The following ANKRD11 variants were observed in gnomAD, a reference collection of about 807,000 sequenced individuals.
ANKRD11 encodes the protein ankyrin repeat domain-containing protein 11.
A neutral mutation model predicts 195.7 loss-of-function variants in ANKRD11; 17 were observed. That is an observed-to-expected ratio of 0.09 (90% CI 0.06 to 0.13). The LOEUF is 0.13. ANKRD11 is among the 10% of genes least tolerant of loss of function. The pLI, the probability that ANKRD11 is intolerant of heterozygous loss-of-function variation, is 1.00. For missense variants in ANKRD11, 3,735 were observed against 3,566.1 expected (o/e 1.05, Z -1.21); for synonymous variants, 1,953 against 1,528.1 (o/e 1.28, Z -6.49).
rs574575376 is a variant in ANKRD11 at position 89,369,678 on chromosome 16, C to T, written c.-60+48606G>A. 2.0e-5 allele frequency among the ~76,000 whole-genome samples: 3 copies of T among 152,294 alleles called. No homozygotes were observed. The East Asian group carries it at 5.8e-4, about 29-fold the overall frequency. Reference sequence around the variant, plus strand: ...GTGGTGACGCAAGGGTTTTAAGGTCCCGACTGTGGGACACAGGCATCTGCA... The same window carrying T: ...GTGGTGACGCAAGGGTTTTAAGGTCTCGACTGTGGGACACAGGCATCTGCA... On this transcript the variant is annotated intron_variant, in intron 2 of 12. Transcript: ENST00000301030.
intron 2 of ANKRD11, among the ~76,000 whole-genome samples, chr16:89,381,652 T>C (rs889628624): frequency 1.5e-4 from 23 of 152,170 alleles, no homozygotes; most frequent in African/African-American, 5.1e-4. Context: ...CTGTCACAAA[T>C]GCGCATCACA....
At chr16:89,420,814 C>G (rs2042481080) in intron 1 of ANKRD11, among the ~76,000 whole-genome samples, 1 of 152,130 alleles carries the variant, frequency 6.6e-6, no homozygotes, top group Non-Finnish European at 1.5e-5. Context: ...CCTCCTGGGC[C>G]CAAGGGGTCC....
intron 2 of ANKRD11, among the ~76,000 whole-genome samples, chr16:89,334,656 G>A (rs1314002625): frequency 6.6e-6 from 1 of 152,036 alleles, no homozygotes; most frequent in Non-Finnish European, 1.5e-5. Context: ...CTCCATGAGG[G>A]GCCACATCCA....
intron 2 of ANKRD11, among the ~76,000 whole-genome samples, chr16:89,380,944 A>G (rs1191271102): frequency 6.6e-6 from 1 of 152,180 alleles, no homozygotes; most frequent in Non-Finnish European, 1.5e-5. Context: ...CCTGCTTCCC[A>G]GTGTGGGCCC....
chr16:89,419,831 A>T (rs965502226), intron 1 of ANKRD11, among the ~76,000 whole-genome samples: 3 of 151,588 alleles, frequency 2.0e-5, no homozygotes, highest in African/African-American at 7.3e-5. Context: ...TCCTCCTTAC[A>T]CTCCTGGACA....
chr16:89,384,447 G>A (rs372688890), intron 2 of ANKRD11, among the ~76,000 whole-genome samples: 5 of 152,184 alleles, frequency 3.3e-5, no homozygotes, highest in South Asian at 2.1e-4. Flanking sequence ...AGAGCAGAAC[G>A]GGATGGGATG....
chr16:89,455,693 G>A (rs1325642627), intron 1 of ANKRD11, among the ~76,000 whole-genome samples: 1 of 152,144 alleles, frequency 6.6e-6, no homozygotes, highest in Non-Finnish European at 1.5e-5. Flanking sequence ...CTCATCCTTG[G>A]AGACAGCAGC....
At position 89,317,036 on chromosome 16, in the gene ANKRD11, C is replaced by G; in HGVS notation, c.-17G>C. On this transcript the variant is annotated 5_prime_UTR_variant, in exon 3 of 13. Coordinates refer to ENST00000301030, the MANE Select transcript of ANKRD11 (RefSeq NM_013275.6). ...CTTGGGCATCGTCCTGCTCCTCACC[C>G]GATCTTCATTTACACGGCCGGCGCT... 1 of 1,611,074 alleles carries G rather than the reference C, an allele frequency of 6.2e-7. No homozygotes were observed. Among genetic ancestry groups the G allele is most frequent in the Non-Finnish European group, 8.5e-7 (1 of 1,178,794 alleles).
chr16:89,456,251 G>T (rs535442680), intron 1 of ANKRD11, among the ~76,000 whole-genome samples: 9 of 151,124 alleles, frequency 6.0e-5, no homozygotes, highest in East Asian at 1.9e-4. Flanking sequence ...AAAAAAAAAG[G>T]GGGGGTGGAA....
chr16:89,271,850 G>A (rs1450524782), intron 11 of ANKRD11: 1 of 152,126 alleles, frequency 6.6e-6, no homozygotes, highest in South Asian at 2.1e-4. Context: ...CATTTCTCAA[G>A]CAATACCCCG....
chr16:89,379,916 C>T (rs1019428754), intron 2 of ANKRD11, among the ~76,000 whole-genome samples: 1 of 152,096 alleles, frequency 6.6e-6, no homozygotes, highest in Non-Finnish European at 1.5e-5. Flanking sequence ...AGACACTGAC[C>T]TTTTCAGTTT....
chr16:89,320,693 G>C (rs571044388), intron 2 of ANKRD11, among the ~76,000 whole-genome samples: 1 of 152,348 alleles, frequency 6.6e-6, no homozygotes, highest in South Asian at 2.1e-4. Flanking sequence ...TGTGGGCTCA[G>C]GGAACTTGCC....
intron 2 of ANKRD11, among the ~76,000 whole-genome samples, chr16:89,344,845 A>G (rs2038864273): frequency 6.6e-6 from 1 of 152,088 alleles, no homozygotes; most frequent in Non-Finnish European, 1.5e-5. Context: ...ACTCTCAACC[A>G]CCTTCCAAGT....
rs767375122 is a variant in ANKRD11, at chr16:89,290,636, T to C, written c.590A>G (p.Lys197Arg). 4 of 1,613,074 alleles carry C rather than the reference T, an allele frequency of 2.5e-6. No homozygotes were observed. The highest frequency in any genetic ancestry group is 2.2e-5 in the South Asian group (2 of 91,084). The change falls in exon 6 of 13, where the codon AAG (lysine) becomes AGG (arginine). Residue 197 changes from lysine to arginine, a missense_variant. Lys to Arg is a conservative substitution (Grantham distance 26). Coordinates refer to ENST00000301030, the MANE Select transcript of ANKRD11 (RefSeq NM_013275.6). ...LISEGADVNV[K>R]DFAGWTALHE... ...CACAGGGTGCCCACCTGCGAAGTCCTTGACGTTGACGTCTGCCCCCTCGCT... is the reference window on the plus strand; with the variant it reads ...CACAGGGTGCCCACCTGCGAAGTCCCTGACGTTGACGTCTGCCCCCTCGCT...
Position 89,284,010 on chromosome 16 carries a change from G to C in ANKRD11, c.2532C>G (p.Asp844Glu), listed in dbSNP as rs772492694. The C allele has an allele frequency of 2.5e-6, 4 of 1,614,166 alleles. No individual in the cohort carries two copies. In the South Asian group the frequency reaches 3.3e-5, roughly 13 times the overall value. The change falls in exon 9 of 13, where the codon GAC (aspartate) becomes GAG (glutamate). Residue 844 changes from aspartate (D) to glutamate (E), a missense_variant. By Grantham distance (45) the Asp-to-Glu change is conservative (BLOSUM62 2). Coordinates refer to ENST00000301030, the MANE Select transcript of ANKRD11 (RefSeq NM_013275.6). ...SDDQRDRWFS[D>E]LSDSSFDFKG... ...TGAAATCAAAGGATGAATCGGACAA[G>C]TCAGAAAACCACCGATCTCGCTGAT...
At position 89,398,353 on chromosome 16, in the gene ANKRD11, C is replaced by G. The variant is rs1406059660; in HGVS notation, c.-60+19931G>C. 9.0e-5 allele frequency among the ~76,000 whole-genome samples: 8 copies of G among 89,164 alleles called. 2 individuals carry two copies. The highest frequency in any genetic ancestry group is 2.9e-4 in the African/African-American group (7 of 24,498). 58.5% of individuals were successfully genotyped at this position (89,164 alleles called of 152,430 possible). On this transcript the variant is annotated intron_variant, in intron 2 of 12. Coordinates refer to ENST00000301030, the MANE Select transcript of ANKRD11 (RefSeq NM_013275.6). ...GAAGACTACCTGTGACCTCAGCACT[C>G]TAGGAGGCTGACATGAGGGACGCTG...
intron 1 of ANKRD11, among the ~76,000 whole-genome samples, chr16:89,441,703 TA>T (rs764622274): frequency 3.8e-3 from 505 of 131,602 alleles, no homozygotes; most frequent in African/African-American, 0.012. Context: ...GGAGGCGGAC[TA>T]TGCAGTGAGC....
At chr16:89,384,287 T>G (rs1219966386) in intron 2 of ANKRD11, among the ~76,000 whole-genome samples, 1 of 152,014 alleles carries the variant, frequency 6.6e-6, no homozygotes. Flanking sequence ...TCCCAGCACT[T>G]TGGGAGACCG....
intron 1 of ANKRD11, among the ~76,000 whole-genome samples, chr16:89,475,414 C>G (rs773604694): frequency 1.3e-5 from 2 of 152,180 alleles, no homozygotes; most frequent in African/African-American, 4.8e-5. Flanking sequence ...CCACGCTGCA[C>G]TGTTTCTATA....
Sources: allele counts gnomAD v4.1 joint callset (sites outside exome capture counted in the v4.1 genomes callset), GRCh38; gene constraint gnomAD v4.1.1; transcripts MANE v1.5; gene names NCBI Gene and HGNC (gene_info 2026-07-23, HGNC 2026-07-21).